DSCAML1: variants seen among roughly 807,000 people sequenced by gnomAD.
The protein encoded by DSCAML1 is cell adhesion molecule DSCAML1.
A neutral mutation model predicts 200.5 loss-of-function variants in DSCAML1; 38 were observed. The observed-to-expected ratio is 0.19, with a 90% CI of 0.15 to 0.25. The LOEUF (loss-of-function observed/expected upper bound fraction) is 0.25. DSCAML1 is among the 10% of genes least tolerant of loss of function. The pLI is 1.00. For synonymous variants in DSCAML1, 1,215 were observed against 1,165.0 expected (o/e 1.04, Z -0.87); for missense variants, 2,223 against 2,858.8 (o/e 0.78, Z 5.07).
At chr11:117,553,867 C>T (rs1341961243) in intron 3 of DSCAML1, among the ~76,000 whole-genome samples, 1 of 152,240 alleles carries the variant, frequency 6.6e-6, no homozygotes, top group Non-Finnish European at 1.5e-5. Context: ...CTCGGAGCAG[C>T]ATTATTCACA....
chr11:117,635,005 C>G (rs998724605), intron 3 of DSCAML1, among the ~76,000 whole-genome samples: 3 of 152,196 alleles, frequency 2.0e-5, no homozygotes, highest in African/African-American at 7.2e-5. Context: ...CCTCCCTCAG[C>G]TGGCACCATC....
At chr11:117,515,601 G>A (rs1169292624) in intron 8 of DSCAML1, among the ~76,000 whole-genome samples, 2 of 107,384 alleles carry the variant, frequency 1.9e-5, no homozygotes, top group African/African-American at 7.0e-5. Flanking sequence ...GGGCCCAGGA[G>A]GGACGAAGCT....
At chr11:117,783,997 T>C (rs1407678144) in intron 1 of DSCAML1, among the ~76,000 whole-genome samples, 1 of 152,186 alleles carries the variant, frequency 6.6e-6, no homozygotes, top group Non-Finnish European at 1.5e-5. Context: ...CCTCGGATCT[T>C]GCTGGAGCCA....
At chr11:117,732,446 G>A (rs1437043374) in intron 3 of DSCAML1, among the ~76,000 whole-genome samples, 1 of 152,096 alleles carries the variant, frequency 6.6e-6, no homozygotes, top group African/African-American at 2.4e-5. Flanking sequence ...GTAACCTGAG[G>A]GTAAGATTAC....
intron 3 of DSCAML1, among the ~76,000 whole-genome samples, chr11:117,549,820 C>G (rs1476517819): frequency 1.3e-5 from 2 of 152,174 alleles, no homozygotes; most frequent in Non-Finnish European, 2.9e-5. Flanking sequence ...TGAACCTCTG[C>G]TTTTTAAGCT....
At chr11:117,472,184 C>T (rs2048699935) in intron 14 of DSCAML1, 148 bp from the exon 15 acceptor site, 1 of 829,382 alleles carries the variant, frequency 1.2e-6, no homozygotes, top group African/African-American at 1.7e-5. Flanking sequence ...GCCTGAACAA[C>T]TTCACAGACG....
intron 3 of DSCAML1, among the ~76,000 whole-genome samples, chr11:117,700,769 T>C (rs964303283): frequency 1.3e-5 from 2 of 152,306 alleles, no homozygotes; most frequent in Admixed American, 1.3e-4. Context: ...GGGTAGAAGC[T>C]GTAATGTGAA....
chr11:117,649,284 G>T (rs2052581602), intron 3 of DSCAML1, among the ~76,000 whole-genome samples: 1 of 152,016 alleles, frequency 6.6e-6, no homozygotes, highest in African/African-American at 2.4e-5. Context: ...CACCACATTG[G>T]CCAGGCTGGT....
rs71037491 is a variant in DSCAML1 at position 117,672,102 on chromosome 11, G to GAAAAAAAAAAAAAAA, written c.511+104674_511+104688dup. Among the ~76,000 whole-genome samples the GAAAAAAAAAAAAAAA allele has an allele frequency of 3.2e-3, 306 of 94,450 alleles. 4 individuals carry two copies. The highest frequency in any genetic ancestry group is 6.8e-3 in the African/African-American group (140 of 20,546). The allele number at this position is 94,450 out of a possible 152,430, so 62.0% of individuals were successfully genotyped here. ...GGCGACAGAGCGAGACTCCAGCTCA[G>GAAAAAAAAAAAAAAA]AAAAAAAAAAAAAAAAAAAAAGAAG... On this transcript the variant is annotated intron_variant, in intron 3 of 32. Transcript: ENST00000651296.
intron 8 of DSCAML1, among the ~76,000 whole-genome samples, chr11:117,514,043 C>T (rs996941590): frequency 9.9e-5 from 15 of 152,232 alleles, no homozygotes; most frequent in Non-Finnish European, 1.8e-4. Flanking sequence ...CCTTCCTCTT[C>T]CCATATGTCC....
intron 3 of DSCAML1, among the ~76,000 whole-genome samples, chr11:117,698,552 C>T (rs2053619717): frequency 6.6e-6 from 1 of 152,244 alleles, no homozygotes. Flanking sequence ...AATTTCTCCA[C>T]ATCCACCTGG....
intron 3 of DSCAML1, among the ~76,000 whole-genome samples, chr11:117,768,869 T>C (rs1479667648): frequency 6.6e-6 from 1 of 151,518 alleles, no homozygotes; most frequent in Non-Finnish European, 1.5e-5. Context: ...CTTTTTCTTG[T>C]TGATTTGCAG....
intron 3 of DSCAML1, among the ~76,000 whole-genome samples, chr11:117,767,264 GACCTCTCTGT>G (rs1289916355): frequency 6.6e-6 from 1 of 152,112 alleles, no homozygotes; most frequent in African/African-American, 2.4e-5. Flanking sequence ...TGGGAAGGCT[GACCTCTCTGT>G]GCCTCAGGCC....
chr11:117,779,389 T>C (rs955832231), intron 2 of DSCAML1, among the ~76,000 whole-genome samples: 1 of 152,192 alleles, frequency 6.6e-6, no homozygotes, highest in Non-Finnish European at 1.5e-5. Context: ...CTTTCTTTTT[T>C]CTTAAAATAG....
At chr11:117,595,392 T>C (rs139956899) in intron 3 of DSCAML1, among the ~76,000 whole-genome samples, 123 of 152,368 alleles carry the variant, frequency 8.1e-4, no homozygotes, top group African/African-American at 2.8e-3. Context: ...ACTTGGTATA[T>C]TTCCTTTTAG....
At position 117,439,290 on chromosome 11, in the gene DSCAML1, T is replaced by C. The variant is rs1417309043; in HGVS notation, c.4120A>G (p.Ile1374Val). ...TATNTGGFDT[I>V]IVNLLVQVPP... ...CCTTGCACCAGAAGGTTGACGATGA[T>C]GGTGTCAAAGCCACCAGTGTTGGTG... The change falls in exon 23 of 33, where the codon ATC (isoleucine) becomes GTC (valine). Residue 1374 changes from isoleucine (I) to valine (V), a missense_variant. Transcript: ENST00000651296. 1 of 1,614,096 alleles carries C rather than the reference T, an allele frequency of 6.2e-7. No individual in the cohort carries two copies.
chr11:117,748,691 G>T (rs1335277937), intron 3 of DSCAML1, among the ~76,000 whole-genome samples: 1 of 152,224 alleles, frequency 6.6e-6, no homozygotes, highest in African/African-American at 2.4e-5. Flanking sequence ...AGTGTTGCAT[G>T]TTGCCCAGCC....
chr11:117,698,706 C>T (rs989917849), intron 3 of DSCAML1, among the ~76,000 whole-genome samples: 4 of 152,110 alleles, frequency 2.6e-5, no homozygotes, highest in Non-Finnish European at 4.4e-5. Flanking sequence ...ATGTGCTTAT[C>T]GGCTACATGT....
chr11:117,730,471 T>C (rs987486133), intron 3 of DSCAML1, among the ~76,000 whole-genome samples: 11 of 152,244 alleles, frequency 7.2e-5, no homozygotes, highest in African/African-American at 2.4e-4. Context: ...AATCAATGCA[T>C]GCTGTTTAAG....
Sources: allele counts gnomAD v4.1 joint callset (sites outside exome capture counted in the v4.1 genomes callset), GRCh38; gene constraint gnomAD v4.1.1; transcripts MANE v1.5; gene names NCBI Gene and HGNC (gene_info 2026-07-23, HGNC 2026-07-21).